The following ANK2 variants were observed in gnomAD, a reference collection of about 807,000 sequenced individuals.
The protein encoded by ANK2 is ankyrin-2.
In ANK2, 83 loss-of-function variants were observed where a neutral mutation model predicts 360.5. The observed-to-expected ratio is 0.23, with a 90% CI of 0.19 to 0.28. The LOEUF (loss-of-function observed/expected upper bound fraction) is 0.28, where lower values mean the gene tolerates loss of function less well. Ranked by LOEUF, ANK2 falls within the 10% of genes least tolerant of loss-of-function variation. The pLI is 1.00. For synonymous variants in ANK2, 1,740 were observed against 1,759.5 expected (o/e 0.99, Z 0.28); for missense variants, 4,201 against 4,795.7 (o/e 0.88, Z 3.66).
intron 2 of ANK2, among the ~76,000 whole-genome samples, chr4:113,002,622 G>A (rs1254826402): frequency 6.6e-6 from 1 of 152,194 alleles, no homozygotes; most frequent in Non-Finnish European, 1.5e-5. Flanking sequence ...CTGTACTACA[G>A]ACCTTTGTCA....
the ANK2 span, among the ~76,000 whole-genome samples, chr4:112,795,415 C>A: frequency 6.6e-6 from 1 of 152,162 alleles, no homozygotes; most frequent in Non-Finnish European, 1.5e-5. Context: ...ATAAATATTT[C>A]TCTCAATGAA....
intron 4 of ANK2, among the ~76,000 whole-genome samples, chr4:113,229,652 C>T (rs993232955): frequency 5.3e-5 from 8 of 152,116 alleles, no homozygotes; most frequent in African/African-American, 1.4e-4. Flanking sequence ...CTTGGGAACA[C>T]GTAGGCAGGG....
chr4:113,091,268 G>A (rs985212999), intron 1 of ANK2, among the ~76,000 whole-genome samples: 1 of 152,180 alleles, frequency 6.6e-6, no homozygotes, highest in Admixed American at 6.5e-5. Flanking sequence ...TTCCCTCAAT[G>A]CTGCTGAAAG....
intron 14 of ANK2, among the ~76,000 whole-genome samples, chr4:113,266,475 A>G (rs537104333): frequency 2.6e-5 from 4 of 152,326 alleles, no homozygotes; most frequent in African/African-American, 9.6e-5. Flanking sequence ...ATACCCAGTA[A>G]TGGGATTGCT....
intron 1 of ANK2, among the ~76,000 whole-genome samples, chr4:112,859,904 T>C (rs1025811716): frequency 1.3e-5 from 2 of 152,230 alleles, no homozygotes; most frequent in African/African-American, 4.8e-5. Context: ...GTTTCCATGA[T>C]GTTTGTTGGC....
In ANK2 at chr4:113,335,144, C is replaced by T. The variant is rs148973959; in HGVS notation, c.3380-702C>T. ...ACTAGTTTGATTTTTTTTGTATTGC[C>T]CTGAATATCTACACTAATGCAATTT... On this transcript the variant is annotated intron_variant, in intron 29 of 45. Transcript: ENST00000357077. Among the ~76,000 whole-genome samples the T allele has an allele frequency of 7.0e-3, 1,070 of 151,832 alleles. 10 individuals are homozygous for T. Among genetic ancestry groups the T allele is most frequent in the Middle Eastern group, 0.024 (7 of 294 alleles).
At chr4:113,332,240 CTT>C (rs1481787407) in intron 28 of ANK2, among the ~76,000 whole-genome samples, 170 bp downstream of exon 28, 1 of 152,042 alleles carries the variant, frequency 6.6e-6, no homozygotes, top group East Asian at 1.9e-4. Flanking sequence ...TGGTATGTGA[CTT>C]TTATTTTTGA....
intron 1 of ANK2, chr4:112,881,840 A>G (rs1472033668): frequency 1.1e-6 from 1 of 926,306 alleles, no homozygotes. Context: ...TCTTTTTCAC[A>G]GTTAAGTGGG....
intron 4 of ANK2, among the ~76,000 whole-genome samples, chr4:113,218,621 A>C (rs889739522): frequency 2.0e-5 from 3 of 152,186 alleles, no homozygotes; most frequent in African/African-American, 7.2e-5. Flanking sequence ...GAGTATAGGA[A>C]ATGTGACTTT....
chr4:113,108,619 TA>T (rs1260749115), intron 1 of ANK2, among the ~76,000 whole-genome samples: 1 of 152,110 alleles, frequency 6.6e-6, no homozygotes. Flanking sequence ...AACATTTTCT[TA>T]AGTAAAGTTT....
At chr4:113,258,836 CTTAACA>C (rs1369735875) in intron 13 of ANK2, among the ~76,000 whole-genome samples, 2 of 152,176 alleles carry the variant, frequency 1.3e-5, no homozygotes, top group African/African-American at 4.8e-5. Context: ...CATAATTAAC[CTTAACA>C]AAAGATTAAC....
intron 2 of ANK2, among the ~76,000 whole-genome samples, chr4:112,955,450 G>A (rs1164213715): frequency 2.0e-5 from 3 of 151,988 alleles, no homozygotes; most frequent in East Asian, 1.9e-4. Flanking sequence ...ATATGAGAGC[G>A]TTAATAGTAA....
At chr4:112,783,728 C>T in the ANK2 span, among the ~76,000 whole-genome samples, 1 of 151,890 alleles carries the variant, frequency 6.6e-6, no homozygotes, top group African/African-American at 2.4e-5. Flanking sequence ...CGGCTCACTG[C>T]AAGCTCTGCC....
At chr4:113,066,825 C>T (rs1450291713) in intron 1 of ANK2, among the ~76,000 whole-genome samples, 1 of 152,112 alleles carries the variant, frequency 6.6e-6, no homozygotes, top group East Asian at 1.9e-4. Context: ...GGGCAAGTAA[C>T]TGAGCTTCTC....
chr4:112,725,212 G>C, the ANK2 span, among the ~76,000 whole-genome samples: 1 of 148,360 alleles, frequency 6.7e-6, no homozygotes, highest in Non-Finnish European at 1.5e-5. Flanking sequence ...AACCCAGGAG[G>C]TGGAGGTTGC....
intron 1 of ANK2, among the ~76,000 whole-genome samples, chr4:113,089,976 T>C (rs1024247883): frequency 6.6e-6 from 1 of 152,300 alleles, no homozygotes; most frequent in South Asian, 2.1e-4. Flanking sequence ...ATTAAGTGTT[T>C]TGTTGTTGTT....
At chr4:112,973,999 C>T (rs2040498412) in intron 2 of ANK2, among the ~76,000 whole-genome samples, 1 of 152,238 alleles carries the variant, frequency 6.6e-6, no homozygotes, top group African/African-American at 2.4e-5. Flanking sequence ...GACCTTGTCA[C>T]TTGATTCTCT....
At chr4:113,078,143 C>T (rs1415046392) in intron 1 of ANK2, among the ~76,000 whole-genome samples, 1 of 152,166 alleles carries the variant, frequency 6.6e-6, no homozygotes, top group African/African-American at 2.4e-5. Context: ...TATGTGGTTG[C>T]TTTCTCAAGC....
At chr4:113,223,834 C>T (rs1387128399) in intron 4 of ANK2, among the ~76,000 whole-genome samples, 1 of 152,136 alleles carries the variant, frequency 6.6e-6, no homozygotes, top group Non-Finnish European at 1.5e-5. Context: ...CTTAGTTGTG[C>T]AGAGTTTCTC....
Sources: gnomAD v4.1 joint callset for allele counts (sites outside exome capture counted in the v4.1 genomes callset) on GRCh38, gnomAD v4.1.1 for gene constraint, MANE v1.5 for transcripts, NCBI Gene and HGNC (gene_info 2026-07-23, HGNC 2026-07-21) for gene names.